The following MAL variants were observed in gnomAD, a reference collection of about 807,000 sequenced individuals.
MAL encodes mal, T cell differentiation protein (MAL blood group).
A neutral mutation model predicts 16.7 loss-of-function variants in MAL; 5 were observed. That is an observed-to-expected ratio of 0.30 (90% CI 0.16 to 0.63). The LOEUF (loss-of-function observed/expected upper bound fraction) is 0.63, where lower values mean the gene tolerates loss of function less well. Ranked by LOEUF, MAL falls within the 30% of genes least tolerant of loss-of-function variation. MAL has a pLI of 0.82. For synonymous variants in MAL, 96 were observed against 85.5 expected (o/e 1.12, Z -0.67); for missense variants, 202 against 195.8 (o/e 1.03, Z -0.19).
intron 1 of MAL, among the ~76,000 whole-genome samples, chr2:95,036,059 G>A (rs1407784429): frequency 1.3e-5 from 2 of 152,316 alleles, no homozygotes; most frequent in East Asian, 3.9e-4. Flanking sequence ...CTTCAGATTA[G>A]ATAAGGAACA....
intron 1 of MAL, among the ~76,000 whole-genome samples, chr2:95,040,998 G>A (rs373717727): frequency 2.0e-4 from 31 of 152,004 alleles, no homozygotes; most frequent in African/African-American, 7.0e-4. Flanking sequence ...GCCTTGCCTG[G>A]GAAGACCTCT....
intron 1 of MAL, among the ~76,000 whole-genome samples, chr2:95,042,903 T>C (rs770470504): frequency 6.6e-6 from 1 of 152,320 alleles, no homozygotes; most frequent in Non-Finnish European, 1.5e-5. Flanking sequence ...TGGGTGCCCT[T>C]CTTACTCTGT....
intron 3 of MAL, 55 bp downstream of exon 3, chr2:95,049,761 G>A: frequency 1.9e-6 from 3 of 1,607,170 alleles, no homozygotes; most frequent in Non-Finnish European, 1.7e-6. Flanking sequence ...TGGCTGGCAG[G>A]GTGTGTGTGG....
intron 3 of MAL, chr2:95,053,093 C>A (rs1188261823): frequency 2.8e-6 from 1 of 351,192 alleles, no homozygotes; most frequent in Admixed American, 4.3e-5. Flanking sequence ...CATCTCAAGT[C>A]AGCCGAAACC....
chr2:95,049,549 C>T, intron 2 of MAL, 32 bp from the exon 3 acceptor site: 4 of 1,613,122 alleles, frequency 2.5e-6, no homozygotes, highest in Non-Finnish European at 2.5e-6. Flanking sequence ...TCTCTCTCTC[C>T]CCATCCCTCT....
At chr2:95,038,309 T>G (rs1300439416) in intron 1 of MAL, among the ~76,000 whole-genome samples, 3 of 151,462 alleles carry the variant, frequency 2.0e-5, no homozygotes, top group Non-Finnish European at 2.9e-5. Context: ...ACTTGGTGAG[T>G]GAGTGACTGA....
intron 3 of MAL, chr2:95,052,935 G>GCCAGCAAACCCAGGTATTTA (rs1674750196): frequency 6.3e-6 from 1 of 159,656 alleles, no homozygotes; most frequent in African/African-American, 2.4e-5. Flanking sequence ...TTTCACCAGG[G>GCCAGCAAACCCAGGTATTTA]CCAGCAAACC....
rs1418199480 is a variant in MAL, at chr2:95,053,552, T to C, written c.*97T>C. 2 of 975,808 alleles carry C rather than the reference T, an allele frequency of 2.0e-6. No homozygotes were observed. The highest frequency in any genetic ancestry group is 4.2e-5 in the Admixed American group (2 of 47,948). 60.4% of individuals were successfully genotyped at this position (975,808 alleles called of 1,614,324 possible). The stretch of plus-strand genomic sequence containing the variant: ...TAGAAAACAGAAATGCCCTTGATGG[T>C]GGAAAAAAGAAAACAACCACCCCCC... On this transcript the variant is annotated 3_prime_UTR_variant, in exon 4 of 4. Coordinates refer to ENST00000309988, the MANE Select transcript of MAL (RefSeq NM_002371.4).
intron 1 of MAL, among the ~76,000 whole-genome samples, chr2:95,031,788 G>A (rs1404658894): frequency 6.6e-6 from 1 of 152,210 alleles, no homozygotes; most frequent in Non-Finnish European, 1.5e-5. Context: ...ATTTAGAGAG[G>A]GCTACTGCCT....
Position 95,025,950 on chromosome 2 carries a change from G to A in MAL, c.93+65G>A. On this transcript the variant is annotated intron_variant, in intron 1 of 3. Transcript: ENST00000309988. This position sits in a 1 kb window ranked among gnomAD's most constrained non-coding sequence, Gnocchi z 5.6. ...AGCCGTGCGCTCTCTCGGGCGCCCA[G>A]CACAGCTGTCGGACGGGATCCGCTA... 1 of 1,387,842 alleles carries A rather than the reference G, an allele frequency of 7.2e-7. No individual in the cohort carries two copies. The highest frequency in any genetic ancestry group is 2.7e-5 in the East Asian group (1 of 36,834). The allele number at this position is 1,387,842 out of a possible 1,614,324, so 86.0% of individuals were successfully genotyped here.
intron 3 of MAL, 187 bp from the exon 4 acceptor site, chr2:95,053,194 G>A (rs939094371): frequency 4.2e-5 from 26 of 621,068 alleles, no homozygotes; most frequent in Admixed American, 3.2e-4. Context: ...ATGGAGCTCT[G>A]TACTGAGAGG....
At chr2:95,035,860 G>A (rs1322791659) in intron 1 of MAL, among the ~76,000 whole-genome samples, 2 of 151,940 alleles carry the variant, frequency 1.3e-5, no homozygotes, top group African/African-American at 4.8e-5. Flanking sequence ...TAGTAGAGAC[G>A]GGGTTTCACC....
In MAL at chr2:95,053,738, C is replaced by T. The variant is rs921948366; in HGVS notation, c.*283C>T. 2.2e-5 allele frequency: 9 copies of T among 412,106 alleles called. No individual in the cohort carries two copies. Among genetic ancestry groups the T allele is most frequent in the East Asian group, 2.0e-4 (5 of 24,970 alleles). The allele number at this position is 412,106 out of a possible 1,614,324, so 25.5% of individuals were successfully genotyped here. On this transcript the variant is annotated 3_prime_UTR_variant, in exon 4 of 4. Transcript: ENST00000309988. ...GTTTGTGAAAGGGGACCTTCTTGTT[C>T]GGGGGTGGGAAGTGGCGACCGTGAC...
At chr2:95,032,716 C>T (rs988073065) in intron 1 of MAL, among the ~76,000 whole-genome samples, 1 of 152,160 alleles carries the variant, frequency 6.6e-6, no homozygotes, top group African/African-American at 2.4e-5. Context: ...CTCCAAATTG[C>T]CTTTGACACC....
intron 1 of MAL, among the ~76,000 whole-genome samples, chr2:95,029,222 A>G (rs1042750222): frequency 1.3e-5 from 2 of 152,208 alleles, no homozygotes; most frequent in African/African-American, 4.8e-5. Context: ...ATGGCATCTA[A>G]GCCTCCTAGA....
At chr2:95,035,567 T>TA (rs1365330649) in intron 1 of MAL, among the ~76,000 whole-genome samples, 2 of 152,020 alleles carry the variant, frequency 1.3e-5, no homozygotes, top group Non-Finnish European at 2.9e-5. Context: ...GAGGCTTCCC[T>TA]GGGGCTCAAG....
At chr2:95,028,772 C>T (rs956999195) in intron 1 of MAL, among the ~76,000 whole-genome samples, 1 of 152,184 alleles carries the variant, frequency 6.6e-6, no homozygotes, top group African/African-American at 2.4e-5. Context: ...ACCTTGAAAA[C>T]TCTATGCTAA....
At position 95,046,187 on chromosome 2, in the gene MAL, G is replaced by A. The variant is rs1558661396; in HGVS notation, c.94-1772G>A. On this transcript the variant is annotated intron_variant, in intron 1 of 3. Transcript: ENST00000309988. ...GTATCTCTCACCCAGCAGGTGGGCA[G>A]CAGGTGCAGGGAGGTGGGGGGGTCA... Among the ~76,000 whole-genome samples the A allele has an allele frequency of 3.9e-5, 6 of 152,356 alleles. 1 individual carries two copies. The South Asian group carries it at 1.0e-3, about 26-fold the overall frequency.
At chr2:95,051,809 G>A (rs769981001) in intron 3 of MAL, 6 of 152,198 alleles carry the variant, frequency 3.9e-5, no homozygotes, top group African/African-American at 1.4e-4. Flanking sequence ...TCTGCACGGC[G>A]TTCGATGTAA....
Sources: allele counts gnomAD v4.1 joint callset (sites outside exome capture counted in the v4.1 genomes callset), GRCh38; gene constraint gnomAD v4.1.1; non-coding constraint Gnocchi (gnomAD v3.1); transcripts MANE v1.5; gene names NCBI Gene and HGNC (gene_info 2026-07-23, HGNC 2026-07-21).